The following DNAH17 variants were observed in gnomAD, a reference collection of about 807,000 sequenced individuals.
DNAH17 encodes axonemal beta dynein heavy chain 17.
In DNAH17, 376 loss-of-function variants were observed where a neutral mutation model predicts 485.6. The observed-to-expected ratio is 0.77, with a 90% CI of 0.71 to 0.84. The LOEUF (loss-of-function observed/expected upper bound fraction) is 0.84, where lower values mean the gene tolerates loss of function less well. Ranked by LOEUF, DNAH17 falls within the 40% of genes least tolerant of loss-of-function variation. The pLI is 0.00. For missense variants in DNAH17, 6,370 were observed against 5,839.3 expected, an observed-to-expected ratio of 1.09 and a Z score of -2.96; for synonymous variants, 3,031 against 2,405.9, an observed-to-expected ratio of 1.26 and a Z score of -7.60.
intron 57 of DNAH17, 83 bp downstream of exon 57, chr17:78,462,761 C>T: frequency 7.2e-7 from 1 of 1,388,828 alleles, no homozygotes; most frequent in Non-Finnish European, 1.0e-6. Flanking sequence ...TGTGACCAGC[C>T]CGTGGATGCC....
At chr17:78,458,503 G>T in intron 62 of DNAH17, 62 bp downstream of exon 62, 3 of 1,429,170 alleles carry the variant, frequency 2.1e-6, no homozygotes, top group Non-Finnish European at 2.0e-6. Flanking sequence ...AGGCAGTTGT[G>T]TGGGCTTGTC....
rs372243113 is a variant in DNAH17, at chr17:78,513,593, G to T, written c.4113+1181C>A. Reference sequence around the variant, plus strand: ...TGGGACTACAGGTGTGCGCTACCACGCTCGGCTGATTTTTGTATTTTTAGC... The same window carrying T: ...TGGGACTACAGGTGTGCGCTACCACTCTCGGCTGATTTTTGTATTTTTAGC... On this transcript the variant is annotated intron_variant, in intron 26 of 80. Coordinates refer to ENST00000389840, the MANE Select transcript of DNAH17 (RefSeq NM_173628.4). 5.9e-5 allele frequency among the ~76,000 whole-genome samples: 9 copies of T among 152,230 alleles called. No individual in the cohort carries two copies. The East Asian group carries it at 1.4e-3, about 23-fold the overall frequency.
Position 78,530,500 on chromosome 17 carries a change from C to T in DNAH17, c.3127G>A (p.Glu1043Lys), listed in dbSNP as rs375971253. The T allele has an allele frequency of 4.9e-5, 79 of 1,604,648 alleles. No individual in the cohort carries two copies. The African/African-American group carries it at 9.2e-4, about 19-fold the overall frequency. Residue 1043 changes from glutamate to lysine, a missense_variant, in exon 21 of 81, where the codon GAG (glutamate) becomes AAG (lysine). Transcript: ENST00000389840. ...AQFQEQIDSY[E>K]KLYEEVSKCE... ...TTGGACACCTCCTCATACAGCTTCT[C>T]GTAGGAGTCGATCTGGAAAACACGG...
At chr17:78,430,037 C>T (rs371227435) in intron 75 of DNAH17, among the ~76,000 whole-genome samples, 6 of 152,236 alleles carry the variant, frequency 3.9e-5, no homozygotes, top group Non-Finnish European at 5.9e-5. Flanking sequence ...CCCACCCCGC[C>T]GCCGTTCCCA....
chr17:78,501,591 C>T (rs544332254), intron 34 of DNAH17, 151 bp downstream of exon 34: 50 of 1,196,018 alleles, frequency 4.2e-5, no homozygotes, highest in South Asian at 3.5e-4. Flanking sequence ...GGGGTGAGTC[C>T]GGGCAAGGAG....
chr17:78,470,069 CTTTTTT>C (rs34298026), intron 54 of DNAH17, among the ~76,000 whole-genome samples: 22 of 93,366 alleles, frequency 2.4e-4, no homozygotes, highest in South Asian at 8.1e-4. Flanking sequence ...ATGTCTTACT[CTTTTTT>C]TTTTTTTTTT....
chr17:78,466,340 C>A (rs1170839586), intron 56 of DNAH17, among the ~76,000 whole-genome samples: 1 of 152,306 alleles, frequency 6.6e-6, no homozygotes, highest in African/African-American at 2.4e-5. Flanking sequence ...AAACCAGAGA[C>A]CTTTGTTCAC....
intron 16 of DNAH17, among the ~76,000 whole-genome samples, chr17:78,547,647 T>TCA (rs1319652027): frequency 6.7e-6 from 1 of 149,624 alleles, no homozygotes; most frequent in Non-Finnish European, 1.5e-5. Flanking sequence ...AGATGGAGTC[T>TCA]CACTCTGTCT....
chr17:78,494,494 GC>G, intron 40 of DNAH17, 98 bp downstream of exon 40: 1 of 1,322,106 alleles, frequency 7.6e-7, no homozygotes, highest in Non-Finnish European at 1.1e-6. Flanking sequence ...CGGGAAACGT[GC>G]GTGTGTGACA....
intron 52 of DNAH17, 31 bp from the exon 53 acceptor site, chr17:78,475,864 C>T (rs193218532): frequency 1.4e-5 from 22 of 1,604,428 alleles, no homozygotes; most frequent in Middle Eastern, 1.7e-4. Flanking sequence ...ACGATACTTC[C>T]GGTTTTTGCC....
At chr17:78,513,093 T>C (rs187355002) in intron 26 of DNAH17, among the ~76,000 whole-genome samples, 138 of 152,068 alleles carry the variant, frequency 9.1e-4, no homozygotes, top group African/African-American at 3.2e-3. Flanking sequence ...CCCGAACAAA[T>C]TGAATGAACC....
At position 78,501,193 on chromosome 17, in the gene DNAH17, A is replaced by G; in HGVS notation, c.5474T>C (p.Leu1825Pro). 1 of 1,580,472 alleles carries G rather than the reference A, an allele frequency of 6.3e-7. No individual in the cohort carries two copies. The highest frequency in any genetic ancestry group is 2.3e-5 in the East Asian group (1 of 43,826). Residue 1825 changes from leucine (L) to proline (P), a missense_variant, in exon 35 of 81, where the codon CTC becomes CCC. By Grantham distance (98) the Leu-to-Pro change is moderately conservative. Coordinates refer to ENST00000389840, the MANE Select transcript of DNAH17 (RefSeq NM_173628.4). ...CAGGGACGGGCCTCACCTGTCAGTG[A>G]GTGGGGTGATGACCAGCCGCGGCGT... is the stretch of plus-strand genomic sequence containing the variant. ...GNTPRLVITP[L>P]TDRCYITLTQ...
intron 12 of DNAH17, among the ~76,000 whole-genome samples, chr17:78,561,387 G>A (rs2092150658): frequency 1.3e-5 from 2 of 152,032 alleles, no homozygotes; most frequent in South Asian, 2.1e-4. Context: ...CCCGGCCCCT[G>A]GCTGTCCAGG....
chr17:78,447,491 G>C lies in DNAH17; in HGVS notation c.11212-1811C>G, dbSNP rs78912789. On this transcript the variant is annotated intron_variant, in intron 69 of 80. Coordinates refer to ENST00000389840, the MANE Select transcript of DNAH17 (RefSeq NM_173628.4). ...GATGGGCAGCAGGTGGCTGGGAGCA[G>C]GGGCAATGGCCACTGCCATCTCCTC... Among the ~76,000 whole-genome samples, 42 of 152,344 alleles carry C rather than the reference G, an allele frequency of 2.8e-4. No individual in the cohort carries two copies. In the East Asian group the frequency reaches 7.1e-3, roughly 26 times the overall value.
rs902502368 is a variant in DNAH17, at chr17:78,529,515, G to A, written c.3464C>T (p.Thr1155Ile). The A allele has an allele frequency of 2.5e-6, 4 of 1,613,954 alleles. No homozygotes were observed. Among genetic ancestry groups the A allele is most frequent in the South Asian group, 1.1e-5 (1 of 91,072 alleles). The change falls in exon 22 of 81, where the codon ACC (threonine) becomes ATC (isoleucine). Residue 1155 changes from threonine (T) to isoleucine (I), a missense_variant. Physicochemically the swap from Thr to Ile is moderately conservative, Grantham distance 89 (BLOSUM62 -1). Coordinates refer to ENST00000389840, the MANE Select transcript of DNAH17 (RefSeq NM_173628.4). The stretch of plus-strand genomic sequence containing the variant: ...CTCCTCTGGCATCTCCTCCCCGTAG[G>A]TCTTGAGCAGCTCGATGGTTTGCTT... ...PLKQTIELLKTYGEEMPEEIH... is the reference protein window; with the variant it reads ...PLKQTIELLKIYGEEMPEEIH...
intron 31 of DNAH17, among the ~76,000 whole-genome samples, chr17:78,504,384 G>T (rs867377039): frequency 6.6e-6 from 1 of 151,954 alleles, no homozygotes; most frequent in Non-Finnish European, 1.5e-5. Flanking sequence ...CTTTTAACTG[G>T]AAACACAGTG....
chr17:78,446,289 G>A (rs937818261), intron 69 of DNAH17, among the ~76,000 whole-genome samples: 1 of 151,222 alleles, frequency 6.6e-6, no homozygotes, highest in South Asian at 2.1e-4. Context: ...TCTAGTTCCA[G>A]GACTTTTTTG....
chr17:78,508,969 G>GTT (rs112772580), intron 27 of DNAH17, among the ~76,000 whole-genome samples: 10,233 of 98,342 alleles, frequency 0.1, 870 homozygotes, highest in Non-Finnish European at 0.15. Flanking sequence ...GTGCCCAGCT[G>GTT]TTTTTTTTTT....
chr17:78,425,580 A>G lies in DNAH17; in HGVS notation c.12916-9T>C. 6.3e-7 allele frequency: 1 copy of G among 1,592,458 alleles called. No individual in the cohort carries two copies. Among genetic ancestry groups the G allele is most frequent in the South Asian group, 1.1e-5 (1 of 89,264 alleles). ...GTCCAGGCCTCGAGTTCCTGCAAGG[A>G]CACACGAGCCGCTAGGAGGAGAGGA... On this transcript the variant is annotated splice_polypyrimidine_tract_variant and intron_variant, in intron 79 of 80. Coordinates refer to ENST00000389840, the MANE Select transcript of DNAH17 (RefSeq NM_173628.4).
Sources: gnomAD v4.1 joint callset for allele counts (sites outside exome capture counted in the v4.1 genomes callset) on GRCh38, gnomAD v4.1.1 for gene constraint, MANE v1.5 for transcripts, NCBI Gene and HGNC (gene_info 2026-07-23, HGNC 2026-07-21) for gene names.